The following ADGRG2 variants were observed in gnomAD, a reference collection of about 807,000 sequenced individuals.
ADGRG2 encodes adhesion G protein-coupled receptor G2, also known as G protein-coupled receptor 64.
Under a neutral mutation model 74.1 loss-of-function variants are expected in ADGRG2, and 26 were observed. The ratio of observed to expected loss-of-function variants is 0.35; its 90% CI spans 0.26 to 0.49. ADGRG2 has a LOEUF of 0.49. Among genes scored for constraint, ADGRG2 ranks in the 20% least tolerant of loss-of-function variants. The probability of loss-of-function intolerance (pLI) is 0.99; values close to 1 mark genes in which losing one functional copy is unlikely to be tolerated. For missense variants in ADGRG2, 619 were observed against 763.1 expected, an observed-to-expected ratio of 0.81 and a Z score of 2.22; for synonymous variants, 296 against 295.2, an observed-to-expected ratio of 1.00 and a Z score of -0.03.
At chrX:19,061,100 G>A (rs2061484008) in intron 3 of ADGRG2, among the ~76,000 whole-genome samples, 1 of 111,724 alleles carries the variant, frequency 9.0e-6, no homozygotes. Flanking sequence ...TCATATGGAG[G>A]AGGGGAAATC....
intron 11 of ADGRG2, among the ~76,000 whole-genome samples, chrX:19,026,301 G>C (rs1210301355): frequency 8.9e-6 from 1 of 112,465 alleles, no homozygotes; most frequent in Non-Finnish European, 1.9e-5. Context: ...TGCTTCAAAA[G>C]TTTATAACAA....
intron 3 of ADGRG2, among the ~76,000 whole-genome samples, chrX:19,063,259 A>G (rs2061515155): frequency 8.9e-6 from 1 of 111,799 alleles, no homozygotes; most frequent in Non-Finnish European, 1.9e-5. Flanking sequence ...TTTACGGTCC[A>G]GATCTCCCAG....
intron 9 of ADGRG2, among the ~76,000 whole-genome samples, chrX:19,029,122 A>T (rs1435780029): frequency 2.7e-5 from 3 of 111,766 alleles, no homozygotes; most frequent in Non-Finnish European, 5.6e-5. Flanking sequence ...ATTCCTGCTT[A>T]AAAATGGCCA....
At chrX:19,065,261 CAAAAAAA>C (rs749063279) in intron 3 of ADGRG2, among the ~76,000 whole-genome samples, 4 of 11,127 alleles carry the variant, frequency 3.6e-4, no homozygotes, top group African/African-American at 6.3e-4. Flanking sequence ...GATCCTGTCT[CAAAAAAA>C]AAAAAAAAAA....
intron 2 of ADGRG2, among the ~76,000 whole-genome samples, chrX:19,075,065 A>G (rs183713512): frequency 1.9e-3 from 211 of 111,177 alleles, no homozygotes; most frequent in Non-Finnish European, 2.9e-3. Context: ...CATGGAGAAA[A>G]GAAATACAAT....
chrX:19,090,708 ATT>A (rs11293957), intron 1 of ADGRG2, among the ~76,000 whole-genome samples: 19 of 105,581 alleles, frequency 1.8e-4, no homozygotes, highest in Admixed American at 1.3e-3. Context: ...TGAATGATGT[ATT>A]TTTTTTTTGC....
chrX:19,110,776 T>C (rs901782033), intron 1 of ADGRG2, among the ~76,000 whole-genome samples: 2 of 108,311 alleles, frequency 1.8e-5, no homozygotes, highest in Non-Finnish European at 3.8e-5. Context: ...GAACAGTTAG[T>C]ATAAAAGACT....
intron 15 of ADGRG2, among the ~76,000 whole-genome samples, chrX:19,016,355 A>G (rs1427003963): frequency 9.1e-6 from 1 of 110,027 alleles, no homozygotes; most frequent in Non-Finnish European, 1.9e-5. Context: ...AAGAACCAAC[A>G]TATTAGAAAG....
rs183801093 is a variant in ADGRG2 at position 19,067,232 on chromosome X, T to C, written c.118+1485A>G. The stretch of plus-strand genomic sequence containing the variant: ...CTTTGAGCCCCTGTGCTCGGGCCAC[T>C]CCCACACTGTGGAGTGTACTTTCAT... On this transcript the variant is annotated intron_variant, in intron 3 of 28. Coordinates refer to ENST00000379869, the MANE Select transcript of ADGRG2 (RefSeq NM_001079858.3). Among the ~76,000 whole-genome samples, 352 of 112,412 alleles carry C rather than the reference T, an allele frequency of 3.1e-3. 2 individuals are homozygous for C. Among genetic ancestry groups the C allele is most frequent in the African/African-American group, 0.011 (341 of 30,971 alleles).
At chrX:19,036,061 C>T in intron 6 of ADGRG2, 84 bp from the exon 7 acceptor site, 1 of 458,429 alleles carries the variant, frequency 2.2e-6, no homozygotes, top group Non-Finnish European at 3.6e-6. Context: ...AAACATTTCC[C>T]TTTTCCCCAA....
At chrX:19,122,226 C>T (rs1464295683) in intron 1 of ADGRG2, among the ~76,000 whole-genome samples, 1 of 112,581 alleles carries the variant, frequency 8.9e-6, no homozygotes, top group African/African-American at 3.2e-5. Flanking sequence ...GAACTAGCCC[C>T]GGGGCTGGGA....
intron 15 of ADGRG2, among the ~76,000 whole-genome samples, chrX:19,018,594 G>A (rs1467274634): frequency 9.0e-6 from 1 of 111,119 alleles, no homozygotes; most frequent in Non-Finnish European, 1.9e-5. Context: ...ACGCAGCTTG[G>A]TCACCCAGTG....
intron 1 of ADGRG2, among the ~76,000 whole-genome samples, chrX:19,095,887 C>CA (rs971933435): frequency 2.7e-5 from 3 of 110,351 alleles, no homozygotes; most frequent in African/African-American, 9.9e-5. Flanking sequence ...GGTGTGGGGG[C>CA]ATGTGCCAGT....
chrX:19,079,933 G>A (rs1227024436), intron 2 of ADGRG2, among the ~76,000 whole-genome samples: 5 of 102,202 alleles, frequency 4.9e-5, no homozygotes, highest in African/African-American at 1.1e-4. Context: ...TTTTTGAGAC[G>A]GAGTTTTGCT....
At chrX:19,092,249 A>G (rs1259323374) in intron 1 of ADGRG2, among the ~76,000 whole-genome samples, 1 of 112,178 alleles carries the variant, frequency 8.9e-6, no homozygotes, top group Non-Finnish European at 1.9e-5. Flanking sequence ...TGGCCTTCAT[A>G]GTCACATACA....
intron 16 of ADGRG2, among the ~76,000 whole-genome samples, chrX:19,012,974 G>A (rs957671920): frequency 1.8e-5 from 2 of 111,342 alleles, no homozygotes; most frequent in Non-Finnish European, 3.8e-5. Flanking sequence ...GCATTCTCAC[G>A]TACACCTTCA....
At chrX:19,003,844 A>T (rs1197780425) in intron 23 of ADGRG2, among the ~76,000 whole-genome samples, 1 of 112,209 alleles carries the variant, frequency 8.9e-6, no homozygotes, top group Non-Finnish European at 1.9e-5. Flanking sequence ...ATTGTATGTT[A>T]TTAGGTAAAA....
chrX:19,063,233 G>A (rs2061514606), intron 3 of ADGRG2, among the ~76,000 whole-genome samples: 1 of 111,691 alleles, frequency 9.0e-6, no homozygotes, highest in South Asian at 3.7e-4. Flanking sequence ...CAGGCTTCCA[G>A]GGTGAAGCTA....
intron 3 of ADGRG2, among the ~76,000 whole-genome samples, chrX:19,057,363 C>T (rs2061422638): frequency 8.9e-6 from 1 of 112,011 alleles, no homozygotes; most frequent in South Asian, 3.7e-4. Flanking sequence ...GGGGTTCCAT[C>T]CCTTCGTATT....
Sources: allele counts gnomAD v4.1 joint callset (sites outside exome capture counted in the v4.1 genomes callset), GRCh38; gene constraint gnomAD v4.1.1; transcripts MANE v1.5; gene names NCBI Gene and HGNC (gene_info 2026-07-23, HGNC 2026-07-21).